Variants in PFKFB3 observed in about 807,000 individuals in gnomAD.
PFKFB3 encodes the protein 6-phosphofructo-2-kinase/fructose-2,6-biphosphatase 3.
PFKFB3 carries 33 observed loss-of-function variants against 68.0 expected under a neutral mutation model. The ratio of observed to expected loss-of-function variants is 0.49; its 90% confidence interval spans 0.37 to 0.65. The LOEUF is 0.65. Among genes scored for constraint, PFKFB3 ranks in the 30% least tolerant of loss-of-function variants. The probability of loss-of-function intolerance (pLI) is 0.00; values close to 1 mark genes in which losing one functional copy is unlikely to be tolerated. For synonymous variants in PFKFB3, 315 were observed against 288.2 expected (o/e 1.09, Z -0.94); for missense variants, 586 against 712.2 (o/e 0.82, Z 2.02).
chr10:6,194,307 G>A (rs545422458), intron 1 of PFKFB3, among the ~76,000 whole-genome samples: 1 of 152,316 alleles, frequency 6.6e-6, no homozygotes, highest in East Asian at 1.9e-4. Context: ...AGGTTCCCTG[G>A]AATTGCTTCT....
At chr10:6,196,232 G>C (rs1843172313) in intron 1 of PFKFB3, among the ~76,000 whole-genome samples, 1 of 151,802 alleles carries the variant, frequency 6.6e-6, no homozygotes. Flanking sequence ...CCCGGTTCAA[G>C]CGATTCTTCC....
At chr10:6,224,460 T>G in intron 13 of PFKFB3, 56 of 598,012 alleles carry the variant, frequency 9.4e-5, no homozygotes, top group East Asian at 2.0e-4. Flanking sequence ...GAGATATGAA[T>G]ATTAGTGAGG....
At position 6,213,694 on chromosome 10, in the gene PFKFB3, T is replaced by C; in HGVS notation, c.148T>C (p.Tyr50His). 1 of 1,613,674 alleles carries C rather than the reference T, an allele frequency of 6.2e-7. No individual in the cohort carries two copies. Among genetic ancestry groups the C allele is most frequent in the Non-Finnish European group, 8.5e-7 (1 of 1,179,860 alleles). ...MVGLPARGKTYISKKLTRYLN... is the reference protein window; with the variant it reads ...MVGLPARGKTHISKKLTRYLN... Reference sequence around the variant, plus strand: ...GGGCCTCCCCGCCCGGGGCAAGACCTACATCTCCAAGAAGCTGACTCGCTA... The same window carrying C: ...GGGCCTCCCCGCCCGGGGCAAGACCCACATCTCCAAGAAGCTGACTCGCTA... The change falls in exon 2 of 15, where the codon TAC becomes CAC. Residue 50 changes from tyrosine to histidine, a missense_variant. Coordinates refer to ENST00000379775, the MANE Select transcript of PFKFB3 (RefSeq NM_004566.4).
downstream of PFKFB3, among the ~76,000 whole-genome samples, chr10:6,259,586 C>CCATCCACT (rs1554747296): frequency 1.0e-3 from 139 of 134,440 alleles, no homozygotes; most frequent in Middle Eastern, 3.7e-3. Flanking sequence ...ATCCACTCAT[C>CCATCCACT]CATCCATCCA....
the PFKFB3 span, among the ~76,000 whole-genome samples, chr10:6,303,632 G>GTGAA: frequency 1.3e-5 from 2 of 151,992 alleles, no homozygotes; most frequent in African/African-American, 4.8e-5. Context: ...GGCCAACATA[G>GTGAA]TGAAACCCCA....
At chr10:6,172,141 G>A (rs900146892) in intron 1 of PFKFB3, among the ~76,000 whole-genome samples, 2 of 152,222 alleles carry the variant, frequency 1.3e-5, no homozygotes, top group African/African-American at 2.4e-5. Context: ...TGGCTCACTC[G>A]TTTGCTGGGA....
chr10:6,230,149 G>T (rs533912112), intron 14 of PFKFB3, among the ~76,000 whole-genome samples: 1 of 152,300 alleles, frequency 6.6e-6, no homozygotes, highest in African/African-American at 2.4e-5. Flanking sequence ...TAGTGCGTTT[G>T]CTAGAATCCC....
chr10:6,180,183 A>C (rs1371565626), intron 1 of PFKFB3, among the ~76,000 whole-genome samples: 2 of 149,886 alleles, frequency 1.3e-5, no homozygotes, highest in Non-Finnish European at 3.0e-5. Flanking sequence ...CTCTAAAAGA[A>C]AAAAAAAATG....
the PFKFB3 span, among the ~76,000 whole-genome samples, chr10:6,275,575 C>T: frequency 2.4e-3 from 371 of 152,308 alleles, 2 homozygotes; most frequent in African/African-American, 8.7e-3. The surrounding 1 kb of genome is among the most constrained non-coding windows in gnomAD (Gnocchi z 4.9). Flanking sequence ...AATTGTTCCC[C>T]ACACGCGTTC....
chr10:6,233,485 C>G lies in PFKFB3; in HGVS notation c.*543C>G, dbSNP rs1588552782. The G allele has an allele frequency of 6.5e-6, 1 of 152,692 alleles. No homozygotes were observed. The highest frequency in any genetic ancestry group is 1.9e-4 in the East Asian group (1 of 5,338). The allele number at this position is 152,692 out of a possible 1,614,324, so 9.5% of individuals were successfully genotyped here. Reference sequence around the variant, plus strand: ...ACTTGGACAGGTGTTGGGTTGAGGCCTCTTCTGCAGGAAGTCCCTGAGCTG... The same window carrying G: ...ACTTGGACAGGTGTTGGGTTGAGGCGTCTTCTGCAGGAAGTCCCTGAGCTG... On this transcript the variant is annotated 3_prime_UTR_variant, in exon 15 of 15. Coordinates refer to ENST00000379775, the MANE Select transcript of PFKFB3 (RefSeq NM_004566.4).
At chr10:6,283,021 A>C in the PFKFB3 span, among the ~76,000 whole-genome samples, 1 of 152,212 alleles carries the variant, frequency 6.6e-6, no homozygotes, top group Admixed American at 6.5e-5. Context: ...GATGAAGTGC[A>C]ATGGCACGAT....
intron 14 of PFKFB3, among the ~76,000 whole-genome samples, chr10:6,251,887 G>A (rs1427969146): frequency 6.6e-6 from 1 of 152,144 alleles, no homozygotes; most frequent in Non-Finnish European, 1.5e-5. Flanking sequence ...AGAATCACTT[G>A]AACCCGGAAG....
chr10:6,278,878 C>T, the PFKFB3 span, among the ~76,000 whole-genome samples: 1 of 152,158 alleles, frequency 6.6e-6, no homozygotes, highest in Non-Finnish European at 1.5e-5. Context: ...CTTAGACAGA[C>T]TCGAATGCTA....
chr10:6,180,312 A>G (rs1445056437), intron 1 of PFKFB3, among the ~76,000 whole-genome samples: 1 of 152,238 alleles, frequency 6.6e-6, no homozygotes, highest in South Asian at 2.1e-4. Flanking sequence ...GAGGGGGACC[A>G]TGTAATATTT....
intron 1 of PFKFB3, among the ~76,000 whole-genome samples, chr10:6,148,272 G>GTCACA (rs1841461381): frequency 2.0e-5 from 3 of 152,238 alleles, no homozygotes; most frequent in African/African-American, 7.2e-5. Context: ...CTCCTGGACT[G>GTCACA]TCACACAGGC....
chr10:6,151,207 G>C (rs758550923), intron 1 of PFKFB3, among the ~76,000 whole-genome samples: 1 of 152,140 alleles, frequency 6.6e-6, no homozygotes, highest in Non-Finnish European at 1.5e-5. Flanking sequence ...TCTTGTGTGC[G>C]GGTCTGAGCT....
chr10:6,240,980 C>A (rs1173827231), intron 14 of PFKFB3, among the ~76,000 whole-genome samples: 2 of 152,046 alleles, frequency 1.3e-5, no homozygotes, highest in Admixed American at 6.5e-5. Context: ...TCTCAGCTCA[C>A]TGCAACCTCC....
At chr10:6,222,831 G>A (rs770327730) in intron 10 of PFKFB3, 24 bp from the exon 11 acceptor site, 18 of 1,602,784 alleles carry the variant, frequency 1.1e-5, no homozygotes, top group East Asian at 6.7e-5. Flanking sequence ...CTGAGCTCAC[G>A]TGGGCCCGGC....
chr10:6,279,833 G>A, the PFKFB3 span, among the ~76,000 whole-genome samples: 3 of 152,194 alleles, frequency 2.0e-5, no homozygotes, highest in African/African-American at 4.8e-5. Context: ...ACTCCTATGC[G>A]GAAGGTGCTG....
Sources: allele counts gnomAD v4.1 joint callset (sites outside exome capture counted in the v4.1 genomes callset), GRCh38; gene constraint gnomAD v4.1.1; non-coding constraint Gnocchi (gnomAD v3.1); transcripts MANE v1.5; gene names NCBI Gene and HGNC (gene_info 2026-07-23, HGNC 2026-07-21).